DMD: variants seen among roughly 807,000 people sequenced by gnomAD.
DMD encodes dystrophin.
In DMD, 63 loss-of-function variants were observed where a neutral mutation model predicts 330.1. The ratio of observed to expected loss-of-function variants is 0.19; its 90% CI spans 0.16 to 0.24. The LOEUF is 0.24. Ranked by LOEUF, DMD falls within the 10% of genes least tolerant of loss-of-function variation. The pLI, the probability that DMD is intolerant of heterozygous loss-of-function variation, is 1.00. For missense variants in DMD, 3,344 were observed against 2,684.1 expected, an observed-to-expected ratio of 1.25 and a Z score of -5.43; for synonymous variants, 1,223 against 959.8, an observed-to-expected ratio of 1.27 and a Z score of -5.07.
chrX:31,240,405 G>A (rs780706141), intron 63 of DMD, among the ~76,000 whole-genome samples: 1 of 111,666 alleles, frequency 9.0e-6, no homozygotes, highest in African/African-American at 3.2e-5. Flanking sequence ...TACCAAGAGT[G>A]GTTGGAGACT....
At chrX:32,511,985 C>T (rs1442742148) in intron 18 of DMD, among the ~76,000 whole-genome samples, 1 of 111,401 alleles carries the variant, frequency 9.0e-6, no homozygotes, top group East Asian at 2.8e-4. Context: ...ATCAATGTAT[C>T]AGAAATGAGT....
intron 1 of DMD, among the ~76,000 whole-genome samples, chrX:33,235,813 T>C (rs748813448): frequency 1.2e-4 from 13 of 110,485 alleles, no homozygotes; most frequent in Admixed American, 2.9e-4. Context: ...CCCCATTAAT[T>C]AGCAAGGACA....
chrX:32,436,800 C>T (rs185569343), intron 29 of DMD, among the ~76,000 whole-genome samples: 1 of 109,464 alleles, frequency 9.1e-6, no homozygotes, highest in African/African-American at 3.3e-5. Flanking sequence ...CACACACACA[C>T]AAATAACCGG....
At chrX:32,711,648 A>G (rs370166281) in intron 7 of DMD, among the ~76,000 whole-genome samples, 1 of 112,254 alleles carries the variant, frequency 8.9e-6, no homozygotes, top group East Asian at 2.8e-4. Flanking sequence ...AAACTAAAAC[A>G]GTACAGACGC....
At chrX:31,843,571 C>T (rs778374706) in intron 48 of DMD, among the ~76,000 whole-genome samples, 2 of 111,164 alleles carry the variant, frequency 1.8e-5, no homozygotes, top group Non-Finnish European at 3.8e-5. Flanking sequence ...GGGTTATCTG[C>T]GTTTTGCTTG....
At chrX:32,787,473 C>T (rs1235998593) in intron 7 of DMD, among the ~76,000 whole-genome samples, 1 of 110,230 alleles carries the variant, frequency 9.1e-6, no homozygotes, top group Non-Finnish European at 1.9e-5. Context: ...TGGGAAATGA[C>T]AGTAGATCCC....
chrX:31,272,135 C>T (rs959519752), intron 62 of DMD, among the ~76,000 whole-genome samples: 1 of 111,607 alleles, frequency 9.0e-6, no homozygotes, highest in African/African-American at 3.3e-5. Flanking sequence ...CAGATAAAGT[C>T]GAGCTCTGCT....
chrX:32,733,301 C>A (rs1237432477), intron 7 of DMD, among the ~76,000 whole-genome samples: 1 of 110,223 alleles, frequency 9.1e-6, no homozygotes, highest in Non-Finnish European at 1.9e-5. Flanking sequence ...TAGACTCCCA[C>A]ACATTAATAA....
chrX:33,128,111 G>A, intron 1 of DMD: 2 of 1,202,522 alleles, frequency 1.7e-6, no homozygotes, highest in Non-Finnish European at 2.2e-6. Flanking sequence ...TCATTCTTCT[G>A]AATGGCTGTT....
intron 55 of DMD, among the ~76,000 whole-genome samples, chrX:31,523,817 T>C (rs2073050100): frequency 1.8e-5 from 2 of 112,156 alleles, no homozygotes; most frequent in Admixed American, 9.5e-5. Context: ...ATTAAGAATG[T>C]GCTTAAAAGA....
intron 15 of DMD, among the ~76,000 whole-genome samples, chrX:32,570,529 G>C (rs768034308): frequency 1.8e-5 from 2 of 111,958 alleles, no homozygotes; most frequent in Non-Finnish European, 3.8e-5. Context: ...TGTTAACATA[G>C]AGGCACATTA....
chrX:32,335,680 T>TATAACATATAACATGTTATATAC (rs1317444168), intron 41 of DMD, among the ~76,000 whole-genome samples: 1 of 108,689 alleles, frequency 9.2e-6, no homozygotes, highest in African/African-American at 3.3e-5. Flanking sequence ...AATATGTATA[T>TATAACATATAACATGTTATATAC]ATAACATATA....
chrX:31,507,263 C>T lies in DMD; in HGVS notation c.8390+18G>A, dbSNP rs756363477. 7.4e-6 allele frequency: 9 copies of T among 1,209,229 alleles called. No individual in the cohort carries two copies. In the African/African-American group the frequency reaches 1.0e-4, roughly 14 times the overall value. On this transcript the variant is annotated intron_variant, in intron 56 of 78. Transcript: ENST00000357033. Reference sequence around the variant, plus strand: ...TTTTAATTCATTTGTGGCCTTTTTGCTCCACATCTTTTCCTACCTAATGTT... The same window carrying T: ...TTTTAATTCATTTGTGGCCTTTTTGTTCCACATCTTTTCCTACCTAATGTT...
rs186013944 is a variant in DMD at position 33,035,034 on chromosome X, A to G, written c.32-14834T>C. ...AAAATTTTATGAGTGTGTATATATG[A>G]GAGTCCACAGTCATCAGCAGATTCT... On this transcript the variant is annotated intron_variant, in intron 1 of 78. Coordinates refer to ENST00000357033, the MANE Select transcript of DMD (RefSeq NM_004006.3). 4.5e-5 allele frequency among the ~76,000 whole-genome samples: 5 copies of G among 111,710 alleles called. No homozygotes were observed. The East Asian group carries it at 1.1e-3, about 25-fold the overall frequency.
chrX:32,807,930 A>G (rs997674917), intron 7 of DMD, among the ~76,000 whole-genome samples: 15 of 112,019 alleles, frequency 1.3e-4, no homozygotes, highest in African/African-American at 4.5e-4. Context: ...ATGGGAACTG[A>G]CCATATGTGA....
At chrX:31,904,331 G>C (rs1181909871) in intron 47 of DMD, among the ~76,000 whole-genome samples, 4 of 111,415 alleles carry the variant, frequency 3.6e-5, no homozygotes, top group South Asian at 3.7e-4. Context: ...AATAATCCGT[G>C]GTGGGAAGAC....
intron 2 of DMD, among the ~76,000 whole-genome samples, chrX:32,909,280 C>G (rs556431006): frequency 1.8e-5 from 2 of 110,430 alleles, no homozygotes; most frequent in South Asian, 3.9e-4. Context: ...TTACAAGAAA[C>G]TCTACTGGAT....
At chrX:32,350,203 G>C (rs2097776763) in intron 37 of DMD, among the ~76,000 whole-genome samples, 1 of 110,813 alleles carries the variant, frequency 9.0e-6, no homozygotes, top group Non-Finnish European at 1.9e-5. Context: ...TTCTTCTCTA[G>C]CTCATCTCTC....
intron 44 of DMD, among the ~76,000 whole-genome samples, chrX:32,011,055 T>C (rs2095704364): frequency 8.9e-6 from 1 of 112,471 alleles, no homozygotes; most frequent in Non-Finnish European, 1.9e-5. Context: ...TCCTGAATGT[T>C]AGTGGGGGAA....
Sources: allele counts gnomAD v4.1 joint callset (sites outside exome capture counted in the v4.1 genomes callset), GRCh38; gene constraint gnomAD v4.1.1; transcripts MANE v1.5; gene names NCBI Gene and HGNC (gene_info 2026-07-23, HGNC 2026-07-21).